Variants in ST6GAL1 observed in about 807,000 individuals in gnomAD.
ST6GAL1 encodes ST6 beta-galactoside alpha-2,6-sialyltransferase 1.
In ST6GAL1, 20 loss-of-function variants were observed where a neutral mutation model predicts 38.0. The ratio of observed to expected loss-of-function variants is 0.53; its 90% CI spans 0.37 to 0.77. The LOEUF is 0.77. Among genes scored for constraint, ST6GAL1 ranks in the 30% least tolerant of loss-of-function variants. ST6GAL1 has a pLI of 0.00. For synonymous variants in ST6GAL1, 196 were observed against 188.2 expected, an observed-to-expected ratio of 1.04 and a Z score of -0.34; for missense variants, 432 against 496.4, an observed-to-expected ratio of 0.87 and a Z score of 1.23.
chr3:187,008,981 A>T (rs1388320785), intron 2 of ST6GAL1, among the ~76,000 whole-genome samples: 1 of 152,200 alleles, frequency 6.6e-6, no homozygotes, highest in Admixed American at 6.5e-5. Flanking sequence ...CTTTGGCAGC[A>T]TTTCTGATAA....
intron 5 of ST6GAL1, among the ~76,000 whole-genome samples, chr3:187,067,859 T>C (rs966119461): frequency 2.6e-5 from 4 of 152,150 alleles, no homozygotes; most frequent in Non-Finnish European, 5.9e-5. Context: ...AGTTTACCCA[T>C]CTGGAAAATG....
intron 4 of ST6GAL1, among the ~76,000 whole-genome samples, chr3:187,044,228 T>TA (rs1189236878): frequency 2.6e-5 from 4 of 152,252 alleles, no homozygotes; most frequent in African/African-American, 9.6e-5. Flanking sequence ...TTATTTCTCT[T>TA]ATGCTGAATG....
intron 2 of ST6GAL1, among the ~76,000 whole-genome samples, chr3:187,002,953 A>G (rs1271629006): frequency 1.3e-5 from 2 of 152,246 alleles, no homozygotes; most frequent in African/African-American, 4.8e-5. Context: ...AAACATTAGT[A>G]AGAGAAATAA....
At chr3:186,961,764 A>G (rs1314546679) in intron 1 of ST6GAL1, among the ~76,000 whole-genome samples, 1 of 152,082 alleles carries the variant, frequency 6.6e-6, no homozygotes, top group Non-Finnish European at 1.5e-5. Context: ...TCCATCTCTC[A>G]CTGAAAGTTT....
chr3:187,001,427 A>C (rs550284322), intron 2 of ST6GAL1, among the ~76,000 whole-genome samples: 1 of 152,332 alleles, frequency 6.6e-6, no homozygotes, highest in African/African-American at 2.4e-5. Context: ...AAAAGTGCTG[A>C]GATCAGTGCC....
intron 2 of ST6GAL1, chr3:186,974,911 A>T (rs192871394): frequency 1.6e-4 from 24 of 152,270 alleles, no homozygotes; most frequent in African/African-American, 5.5e-4. Context: ...CTCTTATTGG[A>T]AGGCAAGGCA....
At position 186,967,648 on chromosome 3, in the gene ST6GAL1, G is replaced by T. The variant is rs551072634; in HGVS notation, c.-183+3722G>T. On this transcript the variant is annotated intron_variant, in intron 2 of 7. Coordinates refer to ENST00000169298, the MANE Select transcript of ST6GAL1 (RefSeq NM_173216.2). ...GTGATTTGGGGAGGCACTGCTACGT[G>T]GAGGTGGTGCCCTGCCTTCAGCTTT... 5.3e-5 allele frequency among the ~76,000 whole-genome samples: 8 copies of T among 152,322 alleles called. No individual in the cohort carries two copies. The South Asian group carries it at 1.7e-3, about 32-fold the overall frequency.
intron 1 of ST6GAL1, among the ~76,000 whole-genome samples, chr3:186,940,078 C>T (rs1714110943): frequency 6.6e-6 from 1 of 152,192 alleles, no homozygotes; most frequent in South Asian, 2.1e-4. Context: ...TCCACTGGGA[C>T]ACCCATTATT....
intron 1 of ST6GAL1, among the ~76,000 whole-genome samples, chr3:186,935,065 G>A (rs1469428554): frequency 6.6e-6 from 1 of 152,076 alleles, no homozygotes; most frequent in Non-Finnish European, 1.5e-5. Context: ...AGGTAAACTT[G>A]TGTCACGGGG....
chr3:186,992,303 T>A (rs1716199517), intron 2 of ST6GAL1, among the ~76,000 whole-genome samples: 1 of 152,138 alleles, frequency 6.6e-6, no homozygotes, highest in South Asian at 2.1e-4. Context: ...TTCCTCCTGC[T>A]GCCTTGTGAG....
chr3:187,004,478 CTCCAGG>C (rs749227689), intron 2 of ST6GAL1, among the ~76,000 whole-genome samples: 1 of 152,168 alleles, frequency 6.6e-6, no homozygotes, highest in Non-Finnish European at 1.5e-5. Context: ...GAGAAGATAC[CTCCAGG>C]TGCCCAGGAA....
chr3:186,980,623 A>AAAT (rs1715666238), intron 2 of ST6GAL1, among the ~76,000 whole-genome samples: 1 of 151,230 alleles, frequency 6.6e-6, no homozygotes, highest in African/African-American at 2.4e-5. Flanking sequence ...AAAAAAAAAA[A>AAAT]AATTAGCCAG....
intron 2 of ST6GAL1, among the ~76,000 whole-genome samples, chr3:187,003,294 G>C (rs1019342116): frequency 3.3e-5 from 5 of 152,292 alleles, no homozygotes; most frequent in African/African-American, 1.2e-4. Flanking sequence ...GCCTTTAACC[G>C]ATTGGATAAG....
chr3:187,048,552 C>T (rs1718386943), intron 4 of ST6GAL1, among the ~76,000 whole-genome samples: 1 of 152,132 alleles, frequency 6.6e-6, no homozygotes, highest in Non-Finnish European at 1.5e-5. Flanking sequence ...TTGTTAGTGT[C>T]ACAGTGTTTG....
In ST6GAL1 at chr3:187,043,355, T is replaced by C. The variant is rs774161717; in HGVS notation, c.607+45T>C. The C allele has an allele frequency of 9.5e-6, 15 of 1,576,152 alleles. No homozygotes were observed. In the South Asian group the frequency reaches 1.5e-4, roughly 16 times the overall value. ...TGTGAATGGCAGTGCTTATTGGGAC[T>C]GGCTGGGCATATTGATGGTATGGGA... On this transcript the variant is annotated intron_variant, in intron 4 of 7. Transcript: ENST00000169298.
chr3:186,933,243 A>T (rs537108964), intron 1 of ST6GAL1, among the ~76,000 whole-genome samples: 6 of 152,310 alleles, frequency 3.9e-5, no homozygotes, highest in African/African-American at 1.4e-4. Flanking sequence ...ACCGGTCAGC[A>T]TGCACTCCCT....
intron 2 of ST6GAL1, among the ~76,000 whole-genome samples, chr3:186,994,337 T>TG: frequency 6.6e-6 from 1 of 152,284 alleles, no homozygotes; most frequent in Admixed American, 6.5e-5. Flanking sequence ...AATGTTTGTC[T>TG]TTTTAGTGTA....
intron 2 of ST6GAL1, among the ~76,000 whole-genome samples, chr3:186,999,910 G>T (rs1317688045): frequency 6.9e-6 from 1 of 145,858 alleles, no homozygotes; most frequent in East Asian, 2.0e-4. Flanking sequence ...GGCTATTGTA[G>T]TTCACTGCAG....
chr3:187,053,547 A>G (rs1358251690), intron 5 of ST6GAL1, among the ~76,000 whole-genome samples: 1 of 152,146 alleles, frequency 6.6e-6, no homozygotes, highest in East Asian at 1.9e-4. Flanking sequence ...ACCATTTATT[A>G]AATAGGGAAT....
Sources: gnomAD v4.1 joint callset for allele counts (sites outside exome capture counted in the v4.1 genomes callset) on GRCh38, gnomAD v4.1.1 for gene constraint, MANE v1.5 for transcripts, NCBI Gene and HGNC (gene_info 2026-07-23, HGNC 2026-07-21) for gene names.